Variants in RGR observed in about 807,000 individuals in gnomAD.
RGR encodes RPE-retinal G protein-coupled receptor.
Under a neutral mutation model 28.6 loss-of-function variants are expected in RGR, and 30 were observed. The observed-to-expected ratio is 1.05, with a 90% CI of 0.78 to 1.42. The LOEUF (loss-of-function observed/expected upper bound fraction) is 1.42, where lower values mean the gene tolerates loss of function less well. RGR is among the 40% of genes most tolerant of loss of function. The pLI is 0.00. For missense variants in RGR, 404 were observed against 375.6 expected (o/e 1.08, Z -0.62); for synonymous variants, 180 against 156.4 (o/e 1.15, Z -1.13).
rs777778795 is a variant in RGR at position 84,258,020 on chromosome 10, T to C, written c.744+14T>C. 7 of 1,596,512 alleles carry C rather than the reference T, an allele frequency of 4.4e-6. No individual in the cohort carries two copies. The highest frequency in any genetic ancestry group is 1.1e-5 in the South Asian group (1 of 90,726). On this transcript the variant is annotated intron_variant, in intron 6 of 6. Coordinates refer to ENST00000652092, the MANE Select transcript of RGR (RefSeq NM_001012720.2). ...AAACTGCAGATGGTACAGATACTTC[T>C]AGTACCTAAAACTAGACCCCTCTCC...
intron 1 of RGR, among the ~76,000 whole-genome samples, chr10:84,246,061 C>T (rs1842743177): frequency 6.6e-6 from 1 of 152,174 alleles, no homozygotes; most frequent in South Asian, 2.1e-4. Context: ...CCCGTGTCTC[C>T]CTTTCCTGAG....
intron 2 of RGR, 55 bp from the exon 3 acceptor site, chr10:84,248,867 G>A (rs2132878566): frequency 1.9e-6 from 3 of 1,614,212 alleles, no homozygotes; most frequent in South Asian, 2.2e-5. Context: ...CTTGGCAGGT[G>A]TGGGAGGTGG....
chr10:84,247,094 G>C (rs11200940), intron 1 of RGR, among the ~76,000 whole-genome samples: 25,499 of 152,142 alleles, frequency 0.17, 2,224 homozygotes, highest in Middle Eastern at 0.34. Context: ...ATTCAAGGTC[G>C]GGTCTCTCTG....
intron 5 of RGR, 91 bp from the exon 6 acceptor site, chr10:84,257,802 C>A: frequency 9.5e-7 from 1 of 1,053,940 alleles, no homozygotes; most frequent in Non-Finnish European, 1.5e-6. Context: ...TGCTGCCCCG[C>A]CCTGCTGAGT....
In RGR at chr10:84,258,855, G is replaced by A. The variant is rs1433013770; in HGVS notation, c.*216G>A. On this transcript the variant is annotated 3_prime_UTR_variant, in exon 7 of 7. Transcript: ENST00000652092. ...CACAGCCCCCTACACTCAAGGCTGA[G>A]AGGCCTCAGGAAAGTCATTCCTTTT... 1.6e-6 allele frequency: 1 copy of A among 615,558 alleles called. No homozygotes were observed. The highest frequency in any genetic ancestry group is 1.8e-5 in the African/African-American group (1 of 54,092). The allele number at this position is 615,558 out of a possible 1,614,324, so 38.1% of individuals were successfully genotyped here.
At chr10:84,251,631 G>A (rs548540780) in intron 3 of RGR, among the ~76,000 whole-genome samples, 19 of 152,184 alleles carry the variant, frequency 1.2e-4, no homozygotes, top group South Asian at 2.1e-4. Context: ...TGCAACCTCC[G>A]CCTTCTGGGT....
At chr10:84,252,432 T>C (rs1842829700) in intron 3 of RGR, among the ~76,000 whole-genome samples, 1 of 152,240 alleles carries the variant, frequency 6.6e-6, no homozygotes, top group Non-Finnish European at 1.5e-5. Flanking sequence ...CTCTGTCCTC[T>C]GAAGAAGATG....
At chr10:84,252,047 T>A (rs1842824613) in intron 3 of RGR, among the ~76,000 whole-genome samples, 1 of 152,156 alleles carries the variant, frequency 6.6e-6, no homozygotes, top group Non-Finnish European at 1.5e-5. Context: ...GGAGGGCACC[T>A]GGGAAGTGCA....
chr10:84,251,546 C>T (rs1489003590), intron 3 of RGR, among the ~76,000 whole-genome samples: 1 of 152,074 alleles, frequency 6.6e-6, no homozygotes, highest in Non-Finnish European at 1.5e-5. Context: ...CTCTTGTGTT[C>T]CTTCTTTCAT....
intron 3 of RGR, chr10:84,250,288 T>C: frequency 1.4e-6 from 1 of 708,292 alleles, no homozygotes; most frequent in Non-Finnish European, 2.6e-6. Context: ...CTCTTTGGAA[T>C]CCACAGAACT....
At chr10:84,252,205 C>T (rs776678819) in intron 3 of RGR, among the ~76,000 whole-genome samples, 2 of 152,180 alleles carry the variant, frequency 1.3e-5, no homozygotes, top group African/African-American at 2.4e-5. Flanking sequence ...CCAGCCTCTG[C>T]CATTGGCACT....
chr10:84,245,053 A>C lies in RGR; in HGVS notation c.-38A>C. On this transcript the variant is annotated 5_prime_UTR_variant, in exon 1 of 7. Coordinates refer to ENST00000652092, the MANE Select transcript of RGR (RefSeq NM_001012720.2). Reference sequence around the variant, plus strand: ...AGGGAGGGCCTGGCTGTGGGAAGCCAGAGACAGCTGGGCCACTGGCAGTGA... The same window carrying C: ...AGGGAGGGCCTGGCTGTGGGAAGCCCGAGACAGCTGGGCCACTGGCAGTGA... 8 of 1,607,710 alleles carry C rather than the reference A, an allele frequency of 5.0e-6. No homozygotes were observed. The highest frequency in any genetic ancestry group is 6.8e-6 in the Non-Finnish European group (8 of 1,174,902).
At chr10:84,252,658 T>C (rs1842833124) in intron 3 of RGR, among the ~76,000 whole-genome samples, 199 bp from the exon 4 acceptor site, 1 of 152,190 alleles carries the variant, frequency 6.6e-6, no homozygotes, top group South Asian at 2.1e-4. Context: ...GCCTCAATTT[T>C]TTAGACCGTA....
At chr10:84,248,254 G>A (rs1589330011) in intron 2 of RGR, 2 of 1,146,126 alleles carry the variant, frequency 1.7e-6, no homozygotes, top group East Asian at 1.1e-4. Flanking sequence ...GCAGTGTGGA[G>A]AGGATAAGAG....
chr10:84,255,012 G>A (rs770937630), intron 5 of RGR: 9 of 165,182 alleles, frequency 5.4e-5, no homozygotes, highest in Admixed American at 4.5e-4. Flanking sequence ...TCTGTTTCTT[G>A]TCTTGCTTCT....
chr10:84,245,849 T>A (rs1156899229), intron 1 of RGR, among the ~76,000 whole-genome samples: 1 of 152,230 alleles, frequency 6.6e-6, no homozygotes, highest in Non-Finnish European at 1.5e-5. Context: ...AGATGCTCGC[T>A]GAGGCCAGAG....
At chr10:84,254,276 C>A in intron 4 of RGR, 50 bp from the exon 5 acceptor site, 1 of 1,513,146 alleles carries the variant, frequency 6.6e-7, no homozygotes, top group Non-Finnish European at 9.2e-7. Flanking sequence ...TTGAGGGCAG[C>A]TGGCCATCCC....
rs534510228 is a variant in RGR, at chr10:84,252,395, G to A, written c.359-462G>A. Among the ~76,000 whole-genome samples the A allele has an allele frequency of 2.6e-5, 4 of 152,266 alleles. No homozygotes were observed. The East Asian group carries it at 5.8e-4, about 22-fold the overall frequency. On this transcript the variant is annotated intron_variant, in intron 3 of 6. Transcript: ENST00000652092. The stretch of plus-strand genomic sequence containing the variant: ...CTTCCTGAACTTTGTCTCTGAAAAC[G>A]TATCTGTCTCTTTGCCACTCCCTCG...
chr10:84,252,745 G>C, intron 3 of RGR, 112 bp from the exon 4 acceptor site: 1 of 1,361,752 alleles, frequency 7.3e-7, no homozygotes, highest in Non-Finnish European at 1.0e-6. Flanking sequence ...GGGAGACTGA[G>C]GCTGGTGGAT....
Sources: allele counts gnomAD v4.1 joint callset (sites outside exome capture counted in the v4.1 genomes callset), GRCh38; gene constraint gnomAD v4.1.1; transcripts MANE v1.5; gene names NCBI Gene and HGNC (gene_info 2026-07-23, HGNC 2026-07-21).